Variants in IHO1 observed in about 807,000 individuals in gnomAD.
IHO1 encodes the protein interactor of HORMAD1 protein 1.
A neutral mutation model predicts 31.0 loss-of-function variants in IHO1; 13 were observed. That is an observed-to-expected ratio of 0.42 (90% CI 0.27 to 0.67). The LOEUF (loss-of-function observed/expected upper bound fraction) is 0.67, where lower values mean the gene tolerates loss of function less well. Among genes scored for constraint, IHO1 ranks in the 30% least tolerant of loss-of-function variants. The probability of loss-of-function intolerance (pLI) is 0.24; values close to 1 mark genes in which losing one functional copy is unlikely to be tolerated. For synonymous variants in IHO1, 221 were observed against 248.4 expected (o/e 0.89, Z 1.04); for missense variants, 599 against 687.5 (o/e 0.87, Z 1.44).
At chr3:49,236,103 T>C (rs1022486524) in intron 2 of IHO1, among the ~76,000 whole-genome samples, 1 of 152,038 alleles carries the variant, frequency 6.6e-6, no homozygotes, top group Non-Finnish European at 1.5e-5. Context: ...TAGCCTGGTG[T>C]GGTAGCACAT....
chr3:49,193,225 A>AGCCAG, the IHO1 span, among the ~76,000 whole-genome samples: 1 of 151,878 alleles, frequency 6.6e-6, no homozygotes, highest in East Asian at 1.9e-4. Flanking sequence ...ACAAAAAATT[A>AGCCAG]ACTGGGTGTG....
chr3:49,244,414 T>C lies in IHO1; in HGVS notation c.406T>C (p.Tyr136His), dbSNP rs1216760747. Residue 136 changes from tyrosine to histidine, a missense_variant, in exon 5 of 8, where the codon TAC becomes CAC. Transcript: ENST00000452691. The stretch of plus-strand genomic sequence containing the variant: ...TCCCTCCTATTCTAGTGAGACTCTA[T>C]ACAACTTTGTTTCTAATGTTAGAGA... The part of the protein sequence containing the change: ...AKDKCDSETL[Y>H]NFVSNVRESI... The C allele has an allele frequency of 4.5e-6, 7 of 1,554,998 alleles. No individual in the cohort carries two copies. In the East Asian group the frequency reaches 9.0e-5, roughly 20 times the overall value.
At chr3:49,229,045 G>A (rs2046451669) in intron 2 of IHO1, among the ~76,000 whole-genome samples, 1 of 151,978 alleles carries the variant, frequency 6.6e-6, no homozygotes, top group African/African-American at 2.4e-5. Flanking sequence ...TGATTGGTGC[G>A]TTTTTACAGA....
chr3:49,199,279 C>T (rs1028776446), upstream of IHO1, among the ~76,000 whole-genome samples: 4 of 152,180 alleles, frequency 2.6e-5, no homozygotes, highest in South Asian at 2.1e-4. Context: ...ACCATTAGTA[C>T]GGTTAAAACC....
intron 2 of IHO1, among the ~76,000 whole-genome samples, chr3:49,236,168 C>T (rs143146381): frequency 1.1e-4 from 17 of 152,246 alleles, no homozygotes; most frequent in African/African-American, 4.1e-4. Context: ...GAGATCATGC[C>T]ACTGCACTCC....
At chr3:49,197,516 A>T (rs2046006611), upstream of IHO1, among the ~76,000 whole-genome samples, 1 of 152,160 alleles carries the variant, frequency 6.6e-6, no homozygotes, top group Admixed American at 6.6e-5. Flanking sequence ...TAAACTGCAC[A>T]TATTGAAAAT....
chr3:49,243,390 C>T (rs1024275782), intron 4 of IHO1, among the ~76,000 whole-genome samples: 8 of 151,822 alleles, frequency 5.3e-5, no homozygotes, highest in Non-Finnish European at 1.0e-4. Flanking sequence ...GGTGATCCAC[C>T]GGCCTCAGCC....
chr3:49,225,919 G>A (rs973509409), intron 2 of IHO1, among the ~76,000 whole-genome samples: 5 of 151,846 alleles, frequency 3.3e-5, no homozygotes, highest in Middle Eastern at 6.9e-3. Context: ...CGCTTGCCCC[G>A]GGCACCCTCA....
In IHO1 at chr3:49,256,107, T is replaced by G; in HGVS notation, c.637-27T>G. 6.4e-7 allele frequency: 1 copy of G among 1,571,058 alleles called. No individual in the cohort carries two copies. The highest frequency in any genetic ancestry group is 2.2e-5 in the East Asian group (1 of 44,676). ...CTTTCTGACTTGCACTGTCCATCACTGTCTTTCTCACTGCCTCTCTCCCCA... is the reference window on the plus strand; with the variant it reads ...CTTTCTGACTTGCACTGTCCATCACGGTCTTTCTCACTGCCTCTCTCCCCA... On this transcript the variant is annotated intron_variant, in intron 7 of 7. Coordinates refer to ENST00000452691, the MANE Select transcript of IHO1 (RefSeq NM_001135197.2). The surrounding 1 kb of genome is among the most constrained non-coding windows in gnomAD (Gnocchi z 4.6).
chr3:49,257,183 C>T lies in IHO1; in HGVS notation c.1686C>T (p.Asp562=). 6.2e-7 allele frequency: 1 copy of T among 1,614,188 alleles called. No homozygotes were observed. Among genetic ancestry groups the T allele is most frequent in the Non-Finnish European group, 8.5e-7 (1 of 1,180,038 alleles). ...ACCACCAGATGAGCTGGTTCAGTGACCTCAATCTCGGATGTTCAGAGACCC... is the reference window on the plus strand; with the variant it reads ...ACCACCAGATGAGCTGGTTCAGTGATCTCAATCTCGGATGTTCAGAGACCC... The part of the protein sequence containing the change: ...QGDHQMSWFS[D]LNLGCSETPL... Residue 562 remains aspartate, a synonymous_variant, in exon 8 of 8, where the codon GAC becomes GAT. Coordinates refer to ENST00000452691, the MANE Select transcript of IHO1 (RefSeq NM_001135197.2).
intron 2 of IHO1, chr3:49,213,843 G>C (rs1356283632): frequency 5.1e-6 from 1 of 196,610 alleles, no homozygotes; most frequent in Non-Finnish European, 1.1e-5. Flanking sequence ...CCTGCAAGCA[G>C]AGGGAGCTGG....
intron 2 of IHO1, among the ~76,000 whole-genome samples, chr3:49,232,381 C>G (rs1242858115): frequency 1.3e-5 from 2 of 152,212 alleles, no homozygotes; most frequent in Non-Finnish European, 2.9e-5. Flanking sequence ...AGCAGCTGAA[C>G]AGCATCTACA....
chr3:49,193,075 A>T, the IHO1 span, among the ~76,000 whole-genome samples: 1 of 152,134 alleles, frequency 6.6e-6, no homozygotes, highest in Non-Finnish European at 1.5e-5. Context: ...ACAGAGGTAA[A>T]TCTTAAAAAT....
intron 3 of IHO1, among the ~76,000 whole-genome samples, chr3:49,238,280 AGTTTT>A (rs370628737): frequency 0.015 from 2,261 of 151,950 alleles, 45 homozygotes; most frequent in African/African-American, 0.05. Context: ...AACTAAATGT[AGTTTT>A]GTTTTGTTTT....
At chr3:49,225,845 C>A (rs1022537047) in intron 2 of IHO1, among the ~76,000 whole-genome samples, 2 of 152,158 alleles carry the variant, frequency 1.3e-5, no homozygotes, top group Non-Finnish European at 2.9e-5. Context: ...AGGAGGAAGT[C>A]AATTTCCTGG....
rs1462780973 is a variant in IHO1 at position 49,255,446 on chromosome 3, G to A, written c.589G>A (p.Gly197Ser). ...GGTGTTTGAGGCAGTCCAGGACAAA[G>A]GCAACATGGAGCAGGCCATCCTTGA... is the stretch of plus-strand genomic sequence containing the variant. ...DLVFEAVQDK[G>S]NMEQAILEMK... The change falls in exon 7 of 8, where the codon GGC (glycine) becomes AGC (serine). Residue 197 changes from glycine (G) to serine (S), a missense_variant. By Grantham distance (56) the Gly-to-Ser change is moderately conservative. Coordinates refer to ENST00000452691, the MANE Select transcript of IHO1 (RefSeq NM_001135197.2). 2.5e-6 allele frequency: 4 copies of A among 1,606,618 alleles called. No homozygotes were observed. Among genetic ancestry groups the A allele is most frequent in the Non-Finnish European group, 3.4e-6 (4 of 1,178,146 alleles).
intron 1 of IHO1, among the ~76,000 whole-genome samples, chr3:49,208,927 A>G (rs1014882632): frequency 2.0e-5 from 3 of 152,238 alleles, no homozygotes; most frequent in African/African-American, 7.2e-5. Context: ...ATAAAATTGG[A>G]TGATCTAAAG....
In IHO1 at chr3:49,256,929, C is replaced by T. The variant is rs2046833307; in HGVS notation, c.1432C>T (p.Pro478Ser). 1.2e-6 allele frequency: 2 copies of T among 1,614,210 alleles called. No homozygotes were observed. The highest frequency in any genetic ancestry group is 3.3e-5 in the Admixed American group (2 of 60,010). ...TCKFNSKYQS[P>S]QPAISVPQSP... ...TAAATTCAATTCCAAATATCAGAGT[C>T]CTCAGCCTGCAATTTCTGTCCCTCA... Residue 478 changes from proline (P) to serine (S), a missense_variant, in exon 8 of 8, where the codon CCT (proline) becomes TCT (serine). Pro to Ser is a moderately conservative substitution (Grantham distance 74). Coordinates refer to ENST00000452691, the MANE Select transcript of IHO1 (RefSeq NM_001135197.2). The surrounding 1 kb of genome is among the most constrained non-coding windows in gnomAD (Gnocchi z 4.6).
intron 1 of IHO1, among the ~76,000 whole-genome samples, chr3:49,208,010 G>T (rs575455648): frequency 6.6e-6 from 1 of 152,176 alleles, no homozygotes; most frequent in Admixed American, 6.5e-5. Context: ...CTGACCTTTT[G>T]ATCCGCCCGC....
Sources: allele counts gnomAD v4.1 joint callset (sites outside exome capture counted in the v4.1 genomes callset), GRCh38; gene constraint gnomAD v4.1.1; non-coding constraint Gnocchi (gnomAD v3.1); transcripts MANE v1.5; gene names NCBI Gene and HGNC (gene_info 2026-07-23, HGNC 2026-07-21).